Variants in TMC1 observed in about 807,000 individuals in gnomAD.
The protein encoded by TMC1 is transmembrane channel-like protein 1.
A neutral mutation model predicts 105.8 loss-of-function variants in TMC1; 84 were observed. The observed-to-expected ratio is 0.79, with a 90% confidence interval of 0.67 to 0.95. The LOEUF is 0.95. Among genes scored for constraint, TMC1 ranks in the 40% least tolerant of loss-of-function variants. The pLI, the probability that TMC1 is intolerant of heterozygous loss-of-function variation, is 0.00. For missense variants in TMC1, 817 were observed against 914.1 expected (o/e 0.89, Z 1.37); for synonymous variants, 315 against 311.5 (o/e 1.01, Z -0.12).
intron 1 of TMC1, among the ~76,000 whole-genome samples, chr9:72,525,110 G>A (rs186932353): frequency 1.9e-4 from 29 of 152,218 alleles, no homozygotes; most frequent in Admixed American, 3.3e-4. Flanking sequence ...CTTTTAAACC[G>A]GTACTTAACA....
intron 1 of TMC1, among the ~76,000 whole-genome samples, chr9:72,571,133 G>T (rs1035180521): frequency 6.7e-6 from 1 of 148,736 alleles, no homozygotes; most frequent in African/African-American, 2.5e-5. Flanking sequence ...GACCAGCCTG[G>T]CCAACATGGT....
At chr9:72,761,416 CT>C (rs1827753538) in intron 12 of TMC1, among the ~76,000 whole-genome samples, 1 of 152,146 alleles carries the variant, frequency 6.6e-6, no homozygotes, top group African/African-American at 2.4e-5. Flanking sequence ...GAAATGCATT[CT>C]GCTTTTCACC....
intron 18 of TMC1, among the ~76,000 whole-genome samples, chr9:72,814,623 G>T (rs930363112): frequency 2.6e-5 from 4 of 152,076 alleles, no homozygotes; most frequent in Non-Finnish European, 5.9e-5. Flanking sequence ...TACCTTGAGG[G>T]TTAACCATTC....
chr9:72,829,397 G>A (rs1022383339), intron 21 of TMC1, among the ~76,000 whole-genome samples: 2 of 152,170 alleles, frequency 1.3e-5, no homozygotes, highest in African/African-American at 4.8e-5. Flanking sequence ...AATCATGGTG[G>A]ATAAATAGAG....
At chr9:72,755,210 G>A (rs1029932990) in intron 12 of TMC1, among the ~76,000 whole-genome samples, 1 of 152,050 alleles carries the variant, frequency 6.6e-6, no homozygotes, top group Non-Finnish European at 1.5e-5. Context: ...ATAGACTACT[G>A]GATAAAGGTG....
intron 2 of TMC1, among the ~76,000 whole-genome samples, chr9:72,601,203 C>G (rs958247471): frequency 6.8e-6 from 1 of 147,374 alleles, no homozygotes; most frequent in South Asian, 2.1e-4. Context: ...CAGACACACA[C>G]ACACACACAC....
chr9:72,694,132 T>C lies in TMC1; in HGVS notation c.65-411T>C, dbSNP rs76360750. On this transcript the variant is annotated intron_variant, in intron 6 of 23. Transcript: ENST00000297784. ...CCTCTTCTTTGTTCTAAGATAGAAG[T>C]AGTAATAAATATGAAGTGGTTAATC... is the stretch of plus-strand genomic sequence containing the variant. Among the ~76,000 whole-genome samples, 128 of 152,272 alleles carry C rather than the reference T, an allele frequency of 8.4e-4. 1 individual carries two copies. The highest frequency in any genetic ancestry group is 6.2e-3 in the East Asian group (32 of 5,172).
At chr9:72,539,228 C>CA (rs35759919) in intron 1 of TMC1, among the ~76,000 whole-genome samples, 79,272 of 146,056 alleles carry the variant, frequency 0.54, 21,989 homozygotes, top group African/African-American at 0.7. Context: ...ACAAAAAATA[C>CA]AAAAAAAAAA....
chr9:72,829,861 G>A (rs1401761433), intron 21 of TMC1, among the ~76,000 whole-genome samples: 1 of 152,140 alleles, frequency 6.6e-6, no homozygotes, highest in Non-Finnish European at 1.5e-5. Context: ...TTTCTAGAAT[G>A]TAAATGTCAT....
intron 2 of TMC1, among the ~76,000 whole-genome samples, chr9:72,595,673 CT>C (rs71357596): frequency 0.028 from 3,422 of 124,030 alleles, 145 homozygotes; most frequent in African/African-American, 0.099. Flanking sequence ...CAACTCTCAA[CT>C]TTTTTTTTTT....
At chr9:72,707,347 A>G (rs1826760009) in intron 8 of TMC1, among the ~76,000 whole-genome samples, 1 of 152,088 alleles carries the variant, frequency 6.6e-6, no homozygotes, top group Non-Finnish European at 1.5e-5. Context: ...TGTTTTCCAT[A>G]TTGGTTGTAC....
At chr9:72,788,610 A>G in intron 14 of TMC1, 127 bp downstream of exon 14, 2 of 1,053,676 alleles carry the variant, frequency 1.9e-6, no homozygotes, top group South Asian at 1.3e-5. Context: ...GTTTCTGCCT[A>G]CCAAGATCTT....
intron 5 of TMC1, among the ~76,000 whole-genome samples, chr9:72,683,781 A>C (rs1312240323): frequency 8.2e-6 from 1 of 122,150 alleles, no homozygotes; most frequent in African/African-American, 2.9e-5. Context: ...ATATGTTAAA[A>C]ATATTTATTT....
Position 72,792,048 on chromosome 9 carries a change from G to C in TMC1, c.1387G>C (p.Asp463His), listed in dbSNP as rs758352261. ...NLYVFILALM[D>H]EINNKIEEEK... Reference sequence around the variant, plus strand: ...ATACGTATTTATTCTTGCATTAATGGATGAGATTAACAACAAGGTAAGCCT... The same window carrying C: ...ATACGTATTTATTCTTGCATTAATGCATGAGATTAACAACAAGGTAAGCCT... The change falls in exon 16 of 24, where the codon GAT (aspartate) becomes CAT (histidine). Residue 463 changes from aspartate (D) to histidine (H), a missense_variant. Transcript: ENST00000297784. 4 of 1,614,072 alleles carry C rather than the reference G, an allele frequency of 2.5e-6. No individual in the cohort carries two copies. The highest frequency in any genetic ancestry group is 3.4e-6 in the Non-Finnish European group (4 of 1,180,000).
rs534422845 is a variant in TMC1, at chr9:72,623,683, G to T, written c.-195-4238G>T. 2.7e-3 allele frequency among the ~76,000 whole-genome samples: 406 copies of T among 152,258 alleles called. 4 individuals are homozygous for T. The highest frequency in any genetic ancestry group is 9.2e-3 in the African/African-American group (384 of 41,546). ...CTGGGCGGCGAACCATGTATCAGCTGTTAGTGCTGTGTGTATTCCATATCA... is the reference window on the plus strand; with the variant it reads ...CTGGGCGGCGAACCATGTATCAGCTTTTAGTGCTGTGTGTATTCCATATCA... On this transcript the variant is annotated intron_variant, in intron 3 of 23. Transcript: ENST00000297784.
At chr9:72,568,656 A>ATTTG (rs140217073) in intron 1 of TMC1, among the ~76,000 whole-genome samples, 6,591 of 149,134 alleles carry the variant, frequency 0.044, 221 homozygotes, top group Middle Eastern at 0.094. Context: ...GTCTTGAGAA[A>ATTTG]TTTGTTTATT....
chr9:72,663,356 G>C (rs749169760), intron 5 of TMC1, among the ~76,000 whole-genome samples: 2 of 152,208 alleles, frequency 1.3e-5, no homozygotes, highest in Non-Finnish European at 2.9e-5. Context: ...CTTAGGTTCT[G>C]TAATAGTGAT....
chr9:72,644,975 G>A (rs944087298), intron 4 of TMC1, among the ~76,000 whole-genome samples: 4 of 152,028 alleles, frequency 2.6e-5, no homozygotes, highest in South Asian at 2.1e-4. Context: ...ATCGTGAAGC[G>A]TGGGTGAAAA....
At chr9:72,670,056 A>G (rs1316785304) in intron 5 of TMC1, among the ~76,000 whole-genome samples, 1 of 152,184 alleles carries the variant, frequency 6.6e-6, no homozygotes, top group Non-Finnish European at 1.5e-5. Context: ...GTACAAAGAT[A>G]GCTGCAATTC....
Sources: allele counts gnomAD v4.1 joint callset (sites outside exome capture counted in the v4.1 genomes callset), GRCh38; gene constraint gnomAD v4.1.1; transcripts MANE v1.5; gene names NCBI Gene and HGNC (gene_info 2026-07-23, HGNC 2026-07-21).